Variants in PITPNC1 observed in about 807,000 individuals in gnomAD.
PITPNC1 encodes the protein phosphatidylinositol transfer protein cytoplasmic 1, also known as cytoplasmic phosphatidylinositol transfer protein 1.
PITPNC1 carries 18 observed loss-of-function variants against 44.7 expected under a neutral mutation model. The ratio of observed to expected loss-of-function variants is 0.40; its 90% confidence interval spans 0.28 to 0.60. The LOEUF (loss-of-function observed/expected upper bound fraction) is 0.60, where lower values mean the gene tolerates loss of function less well. Among genes scored for constraint, PITPNC1 ranks in the 20% least tolerant of loss-of-function variants. PITPNC1 has a pLI of 0.39. For missense variants in PITPNC1, 290 were observed against 418.4 expected, an observed-to-expected ratio of 0.69 and a Z score of 2.68; for synonymous variants, 141 against 149.6, an observed-to-expected ratio of 0.94 and a Z score of 0.42.
chr17:67,570,887 A>G (rs1467037174), intron 4 of PITPNC1, among the ~76,000 whole-genome samples: 1 of 151,844 alleles, frequency 6.6e-6, no homozygotes, highest in Non-Finnish European at 1.5e-5. Flanking sequence ...ATCAGTTACT[A>G]GTAAATATCA....
chr17:67,653,217 G>T (rs1251434025), intron 6 of PITPNC1, among the ~76,000 whole-genome samples: 3 of 152,158 alleles, frequency 2.0e-5, no homozygotes, highest in African/African-American at 7.2e-5. Flanking sequence ...AGGAGGTGGA[G>T]GTTGGATGGC....
intron 6 of PITPNC1, among the ~76,000 whole-genome samples, chr17:67,643,402 A>T (rs1420828956): frequency 1.3e-5 from 2 of 152,166 alleles, no homozygotes; most frequent in Non-Finnish European, 2.9e-5. Context: ...GAAAGAAAGA[A>T]AGAACCCTTG....
At position 67,695,873 on chromosome 17, in the gene PITPNC1, G is replaced by A. The variant is rs939685550; in HGVS notation, c.*2985G>A. ...TGCTTTAGCTGTGCTTTCCTGGGAT[G>A]AGAAGATCTTGGTGTATTTAACACA... On this transcript the variant is annotated 3_prime_UTR_variant, in exon 9 of 9. Transcript: ENST00000581322. 1 of 152,110 alleles carries A rather than the reference G, an allele frequency of 6.6e-6. No individual in the cohort carries two copies. Among genetic ancestry groups the A allele is most frequent in the African/African-American group, 2.4e-5 (1 of 41,424 alleles). 9.4% of individuals were successfully genotyped at this position (152,110 alleles called of 1,614,324 possible). A position where few individuals can be genotyped will look rare whatever the true frequency, so the allele number is the denominator to read the frequency against.
chr17:67,692,715 C>T lies in PITPNC1; in HGVS notation c.826C>T (p.Pro276Ser). 1 of 1,613,862 alleles carries T rather than the reference C, an allele frequency of 6.2e-7. No homozygotes were observed. The highest frequency in any genetic ancestry group is 8.5e-7 in the Non-Finnish European group (1 of 1,179,838). Reference sequence around the variant, plus strand: ...CGTCCGCAGTGCGCCTTCTAGTGCTCCATCCACCCCTCTCTCCACAGACGC... The same window carrying T: ...CGTCCGCAGTGCGCCTTCTAGTGCTTCATCCACCCCTCTCTCCACAGACGC... Reference protein sequence around the residue: ...SSVRSAPSSAPSTPLSTDAPE... With the variant: ...SSVRSAPSSASSTPLSTDAPE... The change falls in exon 9 of 9, where the codon CCA becomes TCA. Residue 276 changes from proline to serine, a missense_variant. By Grantham distance (74) the Pro-to-Ser change is moderately conservative (BLOSUM62 -1). Transcript: ENST00000581322.
intron 6 of PITPNC1, among the ~76,000 whole-genome samples, chr17:67,666,370 G>A (rs993604206): frequency 1.3e-5 from 2 of 152,180 alleles, no homozygotes; most frequent in African/African-American, 4.8e-5. Flanking sequence ...AGGAACTTCA[G>A]GAAGGGGGAC....
chr17:67,680,775 G>C (rs974625246), intron 8 of PITPNC1, among the ~76,000 whole-genome samples: 8 of 152,078 alleles, frequency 5.3e-5, no homozygotes, highest in Admixed American at 4.6e-4. Flanking sequence ...CATTGTAAAG[G>C]GTTTAAAAAA....
At chr17:67,389,804 C>T (rs908563799) in intron 1 of PITPNC1, among the ~76,000 whole-genome samples, 9 of 151,948 alleles carry the variant, frequency 5.9e-5, no homozygotes, top group Admixed American at 1.3e-4. Flanking sequence ...CTCAGTCTCC[C>T]GAGTAGCTGG....
At chr17:67,397,130 G>A (rs1363067482) in intron 1 of PITPNC1, among the ~76,000 whole-genome samples, 3 of 152,030 alleles carry the variant, frequency 2.0e-5, no homozygotes, top group Non-Finnish European at 4.4e-5. Flanking sequence ...ACAGGCGCCT[G>A]CCACCACGCC....
chr17:67,676,252 T>C lies in PITPNC1; in HGVS notation c.682+710T>C, dbSNP rs767311775. Among the ~76,000 whole-genome samples the C allele has an allele frequency of 1.3e-5, 2 of 151,446 alleles. No individual in the cohort carries two copies. The highest frequency in any genetic ancestry group is 1.3e-4 in the Admixed American group (2 of 15,202). ...GAAAGAAACTACCCCTCAACAAATA[T>C]ATACAGGTTCTGCAAGAATTTAAGG... On this transcript the variant is annotated intron_variant, in intron 8 of 8. Transcript: ENST00000581322. The surrounding 1 kb of genome is among the most constrained non-coding windows in gnomAD (Gnocchi z 4.0).
At chr17:67,533,755 C>T (rs1457302651) in intron 2 of PITPNC1, among the ~76,000 whole-genome samples, 3 of 152,178 alleles carry the variant, frequency 2.0e-5, no homozygotes. Context: ...CCCATCCTTC[C>T]CAAGGTGGAG....
At chr17:67,588,364 A>C (rs2041349594) in intron 5 of PITPNC1, among the ~76,000 whole-genome samples, 1 of 152,212 alleles carries the variant, frequency 6.6e-6, no homozygotes. Flanking sequence ...CACTTTCTGC[A>C]GTTTTAGTTC....
rs879366971 is a variant in PITPNC1 at position 67,495,040 on chromosome 17, G to GTTTTTTTTTTTTTTTTTTTTT, written c.49-37751_49-37750insTTTTTTTTTTTTTTTTTTTTT. ...TTTGGCAATATTGAGCCATGGAGTTGTTTTTTTTTTTGTTTTTTTTTTTTT... is the reference window on the plus strand; with the variant it reads ...TTTGGCAATATTGAGCCATGGAGTTGTTTTTTTTTTTTTTTTTTTTTTTTTTTTTTTTGTTTTTTTTTTTTT... On this transcript the variant is annotated intron_variant, in intron 1 of 8. Coordinates refer to ENST00000581322, the MANE Select transcript of PITPNC1 (RefSeq NM_012417.4). 6.3e-4 allele frequency among the ~76,000 whole-genome samples: 41 copies of GTTTTTTTTTTTTTTTTTTTTT among 64,722 alleles called. 11 individuals carry two copies. The highest frequency in any genetic ancestry group is 1.0e-3 in the Non-Finnish European group (37 of 37,130). 42.5% of individuals were successfully genotyped at this position (64,722 alleles called of 152,430 possible). A position where few individuals can be genotyped will look rare whatever the true frequency, so the allele number is the denominator to read the frequency against.
intron 2 of PITPNC1, among the ~76,000 whole-genome samples, chr17:67,537,118 T>C (rs1328906149): frequency 6.6e-6 from 1 of 152,250 alleles, no homozygotes; most frequent in East Asian, 1.9e-4. Flanking sequence ...CTGAAATTGA[T>C]GAAATTAACA....
intron 1 of PITPNC1, among the ~76,000 whole-genome samples, chr17:67,417,180 G>A (rs1179478349): frequency 1.3e-5 from 2 of 152,032 alleles, no homozygotes; most frequent in Non-Finnish European, 2.9e-5. Context: ...CACCCAGGCT[G>A]GAGTGCAGTG....
intron 8 of PITPNC1, chr17:67,687,227 T>C: frequency 1.9e-6 from 2 of 1,041,576 alleles, no homozygotes; most frequent in Non-Finnish European, 3.0e-6. Context: ...CTTTCACAAA[T>C]GCACATGTAA....
chr17:67,672,339 T>C (rs1425707620), intron 7 of PITPNC1, among the ~76,000 whole-genome samples: 1 of 151,920 alleles, frequency 6.6e-6, no homozygotes, highest in Non-Finnish European at 1.5e-5. Flanking sequence ...TTCACACCTG[T>C]AATCCCAGCA....
intron 2 of PITPNC1, among the ~76,000 whole-genome samples, chr17:67,541,449 A>C (rs2040606404): frequency 7.2e-6 from 1 of 139,028 alleles, no homozygotes; most frequent in Non-Finnish European, 1.5e-5. Context: ...TTGACAATTC[A>C]ATATGAAGCA....
intron 1 of PITPNC1, among the ~76,000 whole-genome samples, chr17:67,381,116 A>G (rs1206346669): frequency 1.3e-5 from 2 of 152,018 alleles, no homozygotes; most frequent in Non-Finnish European, 2.9e-5. Flanking sequence ...TCACGAGGTC[A>G]GGAGATCGAG....
chr17:67,430,359 T>C (rs751827987), intron 1 of PITPNC1, among the ~76,000 whole-genome samples: 2 of 150,982 alleles, frequency 1.3e-5, no homozygotes, highest in Non-Finnish European at 2.9e-5. Flanking sequence ...ACAAAAAAAT[T>C]AGTCTATAAT....
Sources: allele counts gnomAD v4.1 joint callset (sites outside exome capture counted in the v4.1 genomes callset), GRCh38; gene constraint gnomAD v4.1.1; non-coding constraint Gnocchi (gnomAD v3.1); transcripts MANE v1.5; gene names NCBI Gene and HGNC (gene_info 2026-07-23, HGNC 2026-07-21).